GHITM: variants seen among roughly 807,000 people sequenced by gnomAD.
GHITM encodes the protein growth hormone-inducible transmembrane protein.
In GHITM, 24 loss-of-function variants were observed where a neutral mutation model predicts 38.7. The ratio of observed to expected loss-of-function variants is 0.62; its 90% CI spans 0.45 to 0.87. The LOEUF (loss-of-function observed/expected upper bound fraction) is 0.87. Among genes scored for constraint, GHITM ranks in the 40% least tolerant of loss-of-function variants. The probability of loss-of-function intolerance (pLI) is 0.00; values close to 1 mark genes in which losing one functional copy is unlikely to be tolerated. For missense variants in GHITM, 420 were observed against 429.8 expected, an observed-to-expected ratio of 0.98 and a Z score of 0.20; for synonymous variants, 154 against 147.8, an observed-to-expected ratio of 1.04 and a Z score of -0.30.
intron 4 of GHITM, 150 bp downstream of exon 4, chr10:84,144,256 C>G (rs1320872310): frequency 5.4e-6 from 3 of 556,088 alleles, no homozygotes; most frequent in African/African-American, 1.9e-5. Context: ...TCTCTTTTTG[C>G]TTCTTTGACA....
chr10:84,152,216 C>A, intron 8 of GHITM, 48 bp from the exon 9 acceptor site: 1 of 807,832 alleles, frequency 1.2e-6, no homozygotes, highest in Non-Finnish European at 2.1e-6. Flanking sequence ...AATTCAACAT[C>A]ACTATTAGAA....
chr10:84,142,878 A>G (rs947868845), intron 3 of GHITM, 124 bp downstream of exon 3: 5 of 517,984 alleles, frequency 9.7e-6, no homozygotes, highest in South Asian at 2.9e-5. Flanking sequence ...TATTATTCTG[A>G]GATCTGACGA....
intron 5 of GHITM, among the ~76,000 whole-genome samples, chr10:84,145,543 TA>T (rs917659957): frequency 6.6e-6 from 1 of 152,218 alleles, no homozygotes; most frequent in African/African-American, 2.4e-5. Context: ...AGCAGTTTAC[TA>T]AAAAAATAAA....
intron 5 of GHITM, among the ~76,000 whole-genome samples, chr10:84,146,055 T>TA (rs1236915640): frequency 6.6e-6 from 1 of 152,122 alleles, no homozygotes; most frequent in Admixed American, 6.5e-5. Flanking sequence ...TAGAAAATTT[T>TA]AAAAATTAAA....
At chr10:84,141,425 TG>T (rs1298496641) in intron 1 of GHITM, 36 bp from the exon 2 acceptor site, 15 of 1,383,868 alleles carry the variant, frequency 1.1e-5, no homozygotes, top group South Asian at 9.5e-5. Flanking sequence ...GTTTTACTTA[TG>T]TTTTTTTGGT....
At position 84,150,037 on chromosome 10, in the gene GHITM, C is replaced by T; in HGVS notation, c.593-18C>T. 2.0e-6 allele frequency: 3 copies of T among 1,481,016 alleles called. No individual in the cohort carries two copies. Among genetic ancestry groups the T allele is most frequent in the Non-Finnish European group, 1.8e-6 (2 of 1,106,032 alleles). The allele number at this position is 1,481,016 out of a possible 1,614,324, so 91.7% of individuals were successfully genotyped here. On this transcript the variant is annotated intron_variant, in intron 6 of 8. Coordinates refer to ENST00000372134, the MANE Select transcript of GHITM (RefSeq NM_014394.3). ...TGTTATTTAGTAAATACTTAATGAG[C>T]ACTTCCTCTTTCTCCAGGTGTGATG...
intron 2 of GHITM, 29 bp from the exon 3 acceptor site, chr10:84,142,626 G>C: frequency 1.4e-6 from 2 of 1,381,370 alleles, no homozygotes; most frequent in Non-Finnish European, 2.1e-6. Context: ...CATGTGGGTG[G>C]TACGTGTCTT....
chr10:84,142,772 G>A lies in GHITM; in HGVS notation c.229+18G>A. 1 of 1,317,426 alleles carries A rather than the reference G, an allele frequency of 7.6e-7. No individual in the cohort carries two copies. Among genetic ancestry groups the A allele is most frequent in the South Asian group, 1.2e-5 (1 of 84,176 alleles). 81.6% of individuals were successfully genotyped at this position (1,317,426 alleles called of 1,614,324 possible). On this transcript the variant is annotated intron_variant, in intron 3 of 8. Transcript: ENST00000372134. ...ATTTAAAAGTAGGTGGCTATCTTTAGTTTTTAACCTAGAATCTATGGATAT... is the reference window on the plus strand; with the variant it reads ...ATTTAAAAGTAGGTGGCTATCTTTAATTTTTAACCTAGAATCTATGGATAT...
At position 84,152,318 on chromosome 10, in the gene GHITM, GC is replaced by G. The variant is rs779744657; in HGVS notation, c.1009del (p.Leu337TrpfsTer33). 9 of 1,605,540 alleles carry G rather than the reference GC, an allele frequency of 5.6e-6. No homozygotes were observed. Among genetic ancestry groups the G allele is most frequent in the Non-Finnish European group, 7.7e-6 (9 of 1,173,560 alleles). On this transcript the variant is annotated frameshift_variant, in exon 9 of 9. Coordinates refer to ENST00000372134, the MANE Select transcript of GHITM (RefSeq NM_014394.3). LOFTEE classifies it high-confidence loss of function. ...ATATATTTATGCGAGTTGCAACTAT[GC>G]TGGCAACTGGAGGCAACAGAAAGAA... ...LNIFMRVATM[L>X]ATGGNRKK is the part of the protein sequence containing the mutation.
At chr10:84,148,507 G>A (rs1841579583) in intron 5 of GHITM, among the ~76,000 whole-genome samples, 1 of 152,098 alleles carries the variant, frequency 6.6e-6, no homozygotes, top group Admixed American at 6.5e-5. Context: ...AGTTAGCCAG[G>A]CTGGTCTCAA....
In GHITM at chr10:84,141,561, T is replaced by C; in HGVS notation, c.61T>C (p.Phe21Leu). 1 of 1,613,746 alleles carries C rather than the reference T, an allele frequency of 6.2e-7. No individual in the cohort carries two copies. The highest frequency in any genetic ancestry group is 8.5e-7 in the Non-Finnish European group (1 of 1,179,594). ...ACCTTCTAGGGTTTTCCACCCAGCTTTCACCAAGGCCTCCCCTGTTGTGAA... is the reference window on the plus strand; with the variant it reads ...ACCTTCTAGGGTTTTCCACCCAGCTCTCACCAAGGCCTCCCCTGTTGTGAA... ...TLPSRVFHPA[F>L]TKASPVVKNS... The change falls in exon 2 of 9, where the codon TTC (phenylalanine) becomes CTC (leucine). Residue 21 changes from phenylalanine to leucine, a missense_variant. Coordinates refer to ENST00000372134, the MANE Select transcript of GHITM (RefSeq NM_014394.3).
chr10:84,152,325 AC>A lies in GHITM; in HGVS notation c.1016del (p.Thr339MetfsTer31). On this transcript the variant is annotated frameshift_variant, in exon 9 of 9. Coordinates refer to ENST00000372134, the MANE Select transcript of GHITM (RefSeq NM_014394.3). LOFTEE classifies it high-confidence loss of function. ...IFMRVATMLA[T>X]GGNRKK ...TATGCGAGTTGCAACTATGCTGGCA[AC>A]TGGAGGCAACAGAAAGAAATGAAGT... 1 of 1,602,074 alleles carries A rather than the reference AC, an allele frequency of 6.2e-7. No homozygotes were observed. The highest frequency in any genetic ancestry group is 2.2e-5 in the East Asian group (1 of 44,760).
chr10:84,146,233 G>A (rs1192582850), intron 5 of GHITM, among the ~76,000 whole-genome samples: 1 of 152,184 alleles, frequency 6.6e-6, no homozygotes, highest in South Asian at 2.1e-4. Flanking sequence ...GGATACAGTT[G>A]TCAAGCTGAG....
rs556892662 is a variant in GHITM, at chr10:84,142,674, G to T, written c.149G>T (p.Arg50Ile). Residue 50 changes from arginine (R) to isoleucine (I), a missense_variant, in exon 3 of 9, where the codon AGA becomes ATA. Arg to Ile is a moderately conservative substitution (Grantham distance 97, BLOSUM62 -3). Coordinates refer to ENST00000372134, the MANE Select transcript of GHITM (RefSeq NM_014394.3). ...TPSREYATKTRIGIRRGRTGQ... is the reference protein window; with the variant it reads ...TPSREYATKTIIGIRRGRTGQ... ...TGTCAGGAATATGCCACCAAAACAA[G>T]AATTGGGATCCGGCGTGGGAGAACT... The T allele has an allele frequency of 1.9e-6, 3 of 1,612,434 alleles. No individual in the cohort carries two copies. The highest frequency in any genetic ancestry group is 3.3e-5 in the Admixed American group (2 of 59,882).
chr10:84,142,397 T>C (rs11200882), intron 2 of GHITM, among the ~76,000 whole-genome samples: 20,789 of 152,242 alleles, frequency 0.14, 1,736 homozygotes, highest in East Asian at 0.35. Context: ...AAACAATTTT[T>C]CTGAAATTGA....
rs1841603194 is a variant in GHITM at position 84,150,703 on chromosome 10, T to C, written c.782-6T>C. 1 of 1,568,206 alleles carries C rather than the reference T, an allele frequency of 6.4e-7. No individual in the cohort carries two copies. Among genetic ancestry groups the C allele is most frequent in the Admixed American group, 2.0e-5 (1 of 51,102 alleles). On this transcript the variant is annotated splice_polypyrimidine_tract_variant and splice_region_variant and intron_variant, in intron 7 of 8. Coordinates refer to ENST00000372134, the MANE Select transcript of GHITM (RefSeq NM_014394.3). The stretch of plus-strand genomic sequence containing the variant: ...AAAAAATCTTGTTTTCGCATTTTGA[T>C]TTCAGGATCTATGTTTCTTCCACCT...
At position 84,144,798 on chromosome 10, in the gene GHITM, G is replaced by T. The variant is rs1589275387; in HGVS notation, c.342-77G>T. 5 of 861,680 alleles carry T rather than the reference G, an allele frequency of 5.8e-6. No homozygotes were observed. The East Asian group carries it at 1.3e-4, about 23-fold the overall frequency. The allele number at this position is 861,680 out of a possible 1,614,324, so 53.4% of individuals were successfully genotyped here. A position where few individuals can be genotyped will look rare whatever the true frequency, so the allele number is the denominator to read the frequency against. On this transcript the variant is annotated intron_variant, in intron 4 of 8. Coordinates refer to ENST00000372134, the MANE Select transcript of GHITM (RefSeq NM_014394.3). ...AAAGTGTAAAATGATTTATCCCGAG[G>T]TCGCCCAGCTAGTGTGTGACTCAAC...
intron 5 of GHITM, among the ~76,000 whole-genome samples, chr10:84,147,265 A>C (rs2132740077): frequency 6.6e-6 from 1 of 152,200 alleles, no homozygotes; most frequent in Non-Finnish European, 1.5e-5. Context: ...TTTTCTTTTT[A>C]ATGTTTTTTA....
chr10:84,152,401 C>G lies in GHITM; in HGVS notation c.*53C>G. On this transcript the variant is annotated 3_prime_UTR_variant, in exon 9 of 9. Coordinates refer to ENST00000372134, the MANE Select transcript of GHITM (RefSeq NM_014394.3). Reference sequence around the variant, plus strand: ...ACATCAAATATCTTGTTTAATGGGGCAGATATGCATTAAATAGTTTGTACA... The same window carrying G: ...ACATCAAATATCTTGTTTAATGGGGGAGATATGCATTAAATAGTTTGTACA... 2 of 938,524 alleles carry G rather than the reference C, an allele frequency of 2.1e-6. No homozygotes were observed. The highest frequency in any genetic ancestry group is 1.4e-5 in the South Asian group (1 of 73,634). 58.1% of individuals were successfully genotyped at this position (938,524 alleles called of 1,614,324 possible).
Sources: gnomAD v4.1 joint callset for allele counts (sites outside exome capture counted in the v4.1 genomes callset) on GRCh38, gnomAD v4.1.1 for gene constraint, MANE v1.5 for transcripts, NCBI Gene and HGNC (gene_info 2026-07-23, HGNC 2026-07-21) for gene names.